The following CNTN6 variants were observed in gnomAD, a reference collection of about 807,000 sequenced individuals.
The protein encoded by CNTN6 is contactin 6, also known as contactin-6.
A neutral mutation model predicts 122.8 loss-of-function variants in CNTN6; 137 were observed. The ratio of observed to expected loss-of-function variants is 1.12; its 90% confidence interval spans 0.97 to 1.29. CNTN6 has a LOEUF of 1.29. Ranked by LOEUF, CNTN6 falls within the 50% of genes most tolerant of loss-of-function variation. The pLI, the probability that CNTN6 is intolerant of heterozygous loss-of-function variation, is 0.00. For synonymous variants in CNTN6, 570 were observed against 426.0 expected (o/e 1.34, Z -4.16); for missense variants, 1,634 against 1,223.4 (o/e 1.34, Z -5.01).
chr3:1,351,054 A>C (rs1416299953), intron 11 of CNTN6, among the ~76,000 whole-genome samples: 3 of 151,868 alleles, frequency 2.0e-5, no homozygotes, highest in Admixed American at 6.6e-5. Flanking sequence ...AATGACTTTA[A>C]AAAATCTGAT....
At chr3:1,205,850 T>C (rs1203032763) in intron 2 of CNTN6, among the ~76,000 whole-genome samples, 1 of 152,144 alleles carries the variant, frequency 6.6e-6, no homozygotes, top group Non-Finnish European at 1.5e-5. Flanking sequence ...AATTGGATGG[T>C]ATGTGAATTA....
chr3:1,220,901 C>G, intron 3 of CNTN6, 88 bp downstream of exon 3: 1 of 1,404,380 alleles, frequency 7.1e-7, no homozygotes. Context: ...ATAAAATGTC[C>G]TAATTTGTAG....
chr3:1,382,933 C>G lies in CNTN6; in HGVS notation c.2167-9C>G. On this transcript the variant is annotated splice_polypyrimidine_tract_variant and intron_variant, in intron 17 of 22. Coordinates refer to ENST00000446702, the MANE Select transcript of CNTN6 (RefSeq NM_001289080.2). ...CAAATACTCAGTGATTGATCACATT[C>G]TGCCCAAGTCAATTCCAGAAGAACT... 6.3e-7 allele frequency: 1 copy of G among 1,599,064 alleles called. No homozygotes were observed. The highest frequency in any genetic ancestry group is 8.6e-7 in the Non-Finnish European group (1 of 1,166,672).
intron 4 of CNTN6, among the ~76,000 whole-genome samples, chr3:1,272,501 G>A (rs1333894132): frequency 6.6e-6 from 1 of 151,856 alleles, no homozygotes; most frequent in Non-Finnish European, 1.5e-5. Flanking sequence ...TTAAAACATT[G>A]CAATGAAATA....
chr3:1,140,069 T>C (rs1180899380), intron 1 of CNTN6, among the ~76,000 whole-genome samples: 1 of 152,198 alleles, frequency 6.6e-6, no homozygotes, highest in Non-Finnish European at 1.5e-5. Flanking sequence ...GTATTACAAC[T>C]ATGCCAAGTT....
At chr3:1,133,513 C>T (rs1017032870) in intron 1 of CNTN6, among the ~76,000 whole-genome samples, 2 of 152,164 alleles carry the variant, frequency 1.3e-5, no homozygotes, top group African/African-American at 4.8e-5. Context: ...AGTTAAGTAA[C>T]TCACACAAAT....
chr3:1,188,921 GT>G (rs59958112), intron 2 of CNTN6, among the ~76,000 whole-genome samples: 1,930 of 152,240 alleles, frequency 0.013, 41 homozygotes, highest in African/African-American at 0.044. Flanking sequence ...TTGCTTATCC[GT>G]CTAGCCTAGG....
intron 1 of CNTN6, among the ~76,000 whole-genome samples, chr3:1,119,019 TC>T (rs964958989): frequency 2.6e-4 from 40 of 152,118 alleles, no homozygotes; most frequent in African/African-American, 9.2e-4. Flanking sequence ...AATTCAGTGA[TC>T]CATCTCCCAT....
intron 7 of CNTN6, among the ~76,000 whole-genome samples, chr3:1,308,287 T>TTGTGTGTGTGTGTGTGTG (rs113198519): frequency 4.8e-5 from 7 of 144,914 alleles, no homozygotes; most frequent in East Asian, 4.2e-4. Context: ...ATGGGGTGTT[T>TTGTGTGTGTGTGTGTGTG]TGTGTGTGTG....
chr3:1,402,942 C>A (rs1325156255), intron 22 of CNTN6: 4 of 200,562 alleles, frequency 2.0e-5, no homozygotes, highest in Non-Finnish European at 4.0e-5. Flanking sequence ...AAACAATTTT[C>A]TAAGCCAACC....
chr3:1,309,191 T>C (rs1413147344), intron 7 of CNTN6, among the ~76,000 whole-genome samples: 1 of 152,200 alleles, frequency 6.6e-6, no homozygotes, highest in Non-Finnish European at 1.5e-5. Context: ...TGGCATTAAA[T>C]ACAAAAACTC....
chr3:1,149,349 G>A (rs1419002980), intron 2 of CNTN6, among the ~76,000 whole-genome samples: 1 of 152,130 alleles, frequency 6.6e-6, no homozygotes, highest in African/African-American at 2.4e-5. Context: ...AGGTACTAGT[G>A]AAGTTTCACG....
chr3:1,278,054 A>C (rs6442317), intron 4 of CNTN6, among the ~76,000 whole-genome samples: 120,108 of 152,220 alleles, frequency 0.79, 47,989 homozygotes, highest in African/African-American at 0.88. Context: ...AGATGTTGGA[A>C]GACTGCAGCA....
intron 7 of CNTN6, among the ~76,000 whole-genome samples, chr3:1,304,726 G>A (rs967221942): frequency 3.3e-5 from 5 of 152,184 alleles, no homozygotes; most frequent in African/African-American, 9.6e-5. Context: ...GGGCGCAGTG[G>A]CTCACGCCTG....
At chr3:1,286,465 G>GT (rs1377011442) in intron 5 of CNTN6, among the ~76,000 whole-genome samples, 2 of 152,080 alleles carry the variant, frequency 1.3e-5, no homozygotes, top group Non-Finnish European at 2.9e-5. Context: ...TTCTGTTCTT[G>GT]TGTTAGTTTG....
At chr3:1,352,952 G>A (rs139170139) in intron 12 of CNTN6, among the ~76,000 whole-genome samples, 30 of 151,802 alleles carry the variant, frequency 2.0e-4, no homozygotes, top group African/African-American at 6.3e-4. Context: ...ATTAAAATCT[G>A]TGTGAATCAT....
At chr3:1,214,926 CTTTTTG>C (rs1481736737) in intron 2 of CNTN6, among the ~76,000 whole-genome samples, 1 of 152,020 alleles carries the variant, frequency 6.6e-6, no homozygotes, top group Non-Finnish European at 1.5e-5. Flanking sequence ...TTTTTCTTTT[CTTTTTG>C]TTTTTGGTAG....
At chr3:1,356,556 C>G (rs549739586) in intron 12 of CNTN6, among the ~76,000 whole-genome samples, 3 of 151,702 alleles carry the variant, frequency 2.0e-5, no homozygotes, top group Non-Finnish European at 4.4e-5. Context: ...TTTGAGGTAT[C>G]AAGCTCAGCT....
chr3:1,392,805 A>G (rs1246787460), intron 20 of CNTN6, among the ~76,000 whole-genome samples: 65 of 137,616 alleles, frequency 4.7e-4, no homozygotes, highest in African/African-American at 1.5e-3. Flanking sequence ...CACATGAAAA[A>G]ATGCTCATCA....
Sources: gnomAD v4.1 joint callset for allele counts (sites outside exome capture counted in the v4.1 genomes callset) on GRCh38, gnomAD v4.1.1 for gene constraint, MANE v1.5 for transcripts, NCBI Gene and HGNC (gene_info 2026-07-23, HGNC 2026-07-21) for gene names.